Variants in TCF12 observed in about 807,000 individuals in gnomAD.
The protein encoded by TCF12 is DNA-binding protein HTF4.
Under a neutral mutation model 86.0 loss-of-function variants are expected in TCF12, and 45 were observed. That is an observed-to-expected ratio of 0.52 (90% confidence interval 0.41 to 0.67). The LOEUF (loss-of-function observed/expected upper bound fraction) is 0.67, where lower values mean the gene tolerates loss of function less well. Ranked by LOEUF, TCF12 falls within the 30% of genes least tolerant of loss-of-function variation. The pLI is 0.00. For missense variants in TCF12, 881 were observed against 859.9 expected (o/e 1.02, Z -0.31); for synonymous variants, 330 against 299.6 (o/e 1.10, Z -1.05).
intron 12 of TCF12, among the ~76,000 whole-genome samples, chr15:57,242,460 G>A (rs537182616): frequency 5.9e-5 from 9 of 152,246 alleles, no homozygotes; most frequent in Non-Finnish European, 1.0e-4. Context: ...AGGCCAAAGC[G>A]GGTGGATCAC....
intron 4 of TCF12, among the ~76,000 whole-genome samples, chr15:57,081,499 C>A (rs933753061): frequency 6.6e-6 from 1 of 152,134 alleles, no homozygotes; most frequent in African/African-American, 2.4e-5. Context: ...CAAATGGTAT[C>A]GCCAAATGTA....
chr15:56,958,418 G>A (rs1327600630), intron 3 of TCF12, among the ~76,000 whole-genome samples: 1 of 152,026 alleles, frequency 6.6e-6, no homozygotes, highest in Non-Finnish European at 1.5e-5. Flanking sequence ...TTCACATGAA[G>A]TGTAAATCTA....
rs542489515 is a variant in TCF12, at chr15:57,094,145, C to T, written c.325+2254C>T. On this transcript the variant is annotated intron_variant, in intron 5 of 20. Transcript: ENST00000333725. The stretch of plus-strand genomic sequence containing the variant: ...TCAAGTGATCCTTCTGCCCCAGCCT[C>T]CCAAAATGTTGCAATTATAGGCATG... Among the ~76,000 whole-genome samples the T allele has an allele frequency of 1.2e-3, 181 of 152,310 alleles. 1 individual carries two copies. The highest frequency in any genetic ancestry group is 4.0e-3 in the African/African-American group (167 of 41,562).
intron 3 of TCF12, among the ~76,000 whole-genome samples, chr15:57,052,370 G>A (rs1320210329): frequency 1.3e-5 from 2 of 152,064 alleles, no homozygotes; most frequent in African/African-American, 2.4e-5. Flanking sequence ...TAGCTAGGCC[G>A]GGCGTGGTGG....
At chr15:56,929,423 C>T (rs1178071469) in intron 3 of TCF12, among the ~76,000 whole-genome samples, 1 of 152,102 alleles carries the variant, frequency 6.6e-6, no homozygotes, top group South Asian at 2.1e-4. Context: ...CCAGATCATT[C>T]TGTAATTTTT....
chr15:57,203,465 TA>T (rs1245662578), intron 8 of TCF12, among the ~76,000 whole-genome samples: 1 of 152,200 alleles, frequency 6.6e-6, no homozygotes, highest in African/African-American at 2.4e-5. Context: ...AAAATGTAAG[TA>T]AATACCTGGA....
Position 56,935,995 on chromosome 15 carries a change from T to C in TCF12, c.148+14897T>C, listed in dbSNP as rs145780167. 3.2e-3 allele frequency among the ~76,000 whole-genome samples: 487 copies of C among 152,364 alleles called. 7 individuals carry two copies. The highest frequency in any genetic ancestry group is 0.011 in the African/African-American group (464 of 41,588). ...TTTCATATAATGACTTCTTTTCCTATGGGTAGATACCCAATAATGGGATTG... is the reference window on the plus strand; with the variant it reads ...TTTCATATAATGACTTCTTTTCCTACGGGTAGATACCCAATAATGGGATTG... On this transcript the variant is annotated intron_variant, in intron 3 of 20. Coordinates refer to ENST00000333725, the MANE Select transcript of TCF12 (RefSeq NM_207037.2).
chr15:57,117,793 C>CT, intron 5 of TCF12, among the ~76,000 whole-genome samples: 1 of 152,184 alleles, frequency 6.6e-6, no homozygotes, highest in Non-Finnish European at 1.5e-5. Flanking sequence ...TAATATGAAA[C>CT]TATTATTAAA....
intron 8 of TCF12, among the ~76,000 whole-genome samples, chr15:57,208,853 C>G (rs1223199983): frequency 1.3e-5 from 2 of 151,958 alleles, no homozygotes; most frequent in Non-Finnish European, 2.9e-5. Flanking sequence ...GTAACTGGGA[C>G]TACAGGCACA....
intron 8 of TCF12, among the ~76,000 whole-genome samples, chr15:57,218,598 A>G (rs1352520160): frequency 6.6e-6 from 1 of 152,068 alleles, no homozygotes; most frequent in East Asian, 1.9e-4. Flanking sequence ...TAGAGGAAAG[A>G]CTTATAGGAA....
At chr15:57,130,293 A>G (rs187109593) in intron 5 of TCF12, among the ~76,000 whole-genome samples, 8 of 152,300 alleles carry the variant, frequency 5.3e-5, no homozygotes, top group Admixed American at 1.3e-4. Flanking sequence ...ACCTGTTTTT[A>G]TATGTAGTTT....
chr15:56,939,374 A>G (rs1411370289), intron 3 of TCF12, among the ~76,000 whole-genome samples: 9 of 152,150 alleles, frequency 5.9e-5, no homozygotes, highest in Admixed American at 5.9e-4. Context: ...TAATTATTGT[A>G]TAATAGCTGG....
chr15:57,096,843 G>A (rs1377037991), intron 5 of TCF12, among the ~76,000 whole-genome samples: 1 of 152,076 alleles, frequency 6.6e-6, no homozygotes, highest in Admixed American at 6.5e-5. Context: ...TAACAGGTTG[G>A]GTCTAATTGC....
At chr15:57,231,584 A>G (rs1370099813) in intron 9 of TCF12, among the ~76,000 whole-genome samples, 1 of 152,162 alleles carries the variant, frequency 6.6e-6, no homozygotes, top group African/African-American at 2.4e-5. Flanking sequence ...TGTTTAATTT[A>G]TGGATTCATA....
At chr15:57,237,068 T>C (rs2151945191) in intron 12 of TCF12, among the ~76,000 whole-genome samples, 1 of 152,258 alleles carries the variant, frequency 6.6e-6, no homozygotes, top group East Asian at 1.9e-4. Flanking sequence ...ACTGTTTAAC[T>C]TTGTTGATTA....
At chr15:57,046,720 T>G (rs1215603467) in intron 3 of TCF12, among the ~76,000 whole-genome samples, 2 of 152,224 alleles carry the variant, frequency 1.3e-5, no homozygotes, top group Non-Finnish European at 2.9e-5. Context: ...CCTCCCCAAG[T>G]GCTGGGATTA....
At chr15:56,962,708 C>T (rs565915134) in intron 3 of TCF12, among the ~76,000 whole-genome samples, 1 of 152,174 alleles carries the variant, frequency 6.6e-6, no homozygotes, top group Non-Finnish European at 1.5e-5. Flanking sequence ...TAGATCATCT[C>T]TTAAGTTACT....
rs549479550 is a variant in TCF12 at position 57,084,788 on chromosome 15, A to ATAAATGTATAT, written c.223-6976_223-6966dup. Among the ~76,000 whole-genome samples, 59 of 152,156 alleles carry ATAAATGTATAT rather than the reference A, an allele frequency of 3.9e-4. 1 individual carries two copies. Among genetic ancestry groups the ATAAATGTATAT allele is most frequent in the African/African-American group, 1.3e-3 (54 of 41,536 alleles). On this transcript the variant is annotated intron_variant, in intron 4 of 20. Coordinates refer to ENST00000333725, the MANE Select transcript of TCF12 (RefSeq NM_207037.2). ...GAAAATTGTATATTAATTGTATATT[A>ATAAATGTATAT]TAAATGTATATTAAATGTATATTAA...
rs75590901 is a variant in TCF12, at chr15:57,275,294, T to C, written c.1978+2032T>C. ...GGCTTGAAGCCTTATCTTAGGACTT[T>C]ACATAAAAGCCCAGGGATCTTTGTA... On this transcript the variant is annotated intron_variant, in intron 19 of 20. Transcript: ENST00000333725. Among the ~76,000 whole-genome samples the C allele has an allele frequency of 9.6e-3, 1,283 of 133,078 alleles. 11 individuals are homozygous for C. Among genetic ancestry groups the C allele is most frequent in the Non-Finnish European group, 0.016 (986 of 61,110 alleles). 87.3% of individuals were successfully genotyped at this position (133,078 alleles called of 152,430 possible). A position where few individuals can be genotyped will look rare whatever the true frequency, so the allele number is the denominator to read the frequency against.
Sources: allele counts gnomAD v4.1 joint callset (sites outside exome capture counted in the v4.1 genomes callset), GRCh38; gene constraint gnomAD v4.1.1; transcripts MANE v1.5; gene names NCBI Gene and HGNC (gene_info 2026-07-23, HGNC 2026-07-21).